The following NFIB variants were observed in gnomAD, a reference collection of about 807,000 sequenced individuals.
NFIB encodes nuclear factor 1 B-type.
NFIB carries 11 observed loss-of-function variants against 61.5 expected under a neutral mutation model. That is an observed-to-expected ratio of 0.18 (90% CI 0.11 to 0.30). The LOEUF (loss-of-function observed/expected upper bound fraction) is 0.30, where lower values mean the gene tolerates loss of function less well. Ranked by LOEUF, NFIB falls within the 10% of genes least tolerant of loss-of-function variation. The pLI is 1.00. For synonymous variants in NFIB, 260 were observed against 216.5 expected (o/e 1.20, Z -1.76); for missense variants, 471 against 608.9 (o/e 0.77, Z 2.38).
chr9:14,382,990 G>T (rs2061506102), intron 1 of NFIB, among the ~76,000 whole-genome samples: 1 of 152,158 alleles, frequency 6.6e-6, no homozygotes, highest in Admixed American at 6.5e-5. Context: ...ACAATTTGGA[G>T]AGAAGTAGCT....
chr9:14,501,079 C>T, the NFIB span, among the ~76,000 whole-genome samples: 4 of 152,200 alleles, frequency 2.6e-5, no homozygotes, highest in Non-Finnish European at 4.4e-5. Flanking sequence ...CAGTGGATCT[C>T]AAACCCACTT....
intron 2 of NFIB, among the ~76,000 whole-genome samples, chr9:14,280,364 C>T (rs1000321783): frequency 1.3e-5 from 2 of 152,134 alleles, no homozygotes; most frequent in Non-Finnish European, 1.5e-5. Context: ...CACACACACA[C>T]ATTCAAGTGT....
At chr9:14,360,913 T>G (rs2061232264) in intron 1 of NFIB, among the ~76,000 whole-genome samples, 1 of 151,818 alleles carries the variant, frequency 6.6e-6, no homozygotes, top group Admixed American at 6.6e-5. Context: ...TTTGATAATT[T>G]TTATTTGTTA....
At chr9:14,415,175 T>C in the NFIB span, among the ~76,000 whole-genome samples, 3 of 152,154 alleles carry the variant, frequency 2.0e-5, no homozygotes, top group Non-Finnish European at 2.9e-5. Context: ...TCCTTGCAGC[T>C]GAACTGAAGG....
the NFIB span, among the ~76,000 whole-genome samples, chr9:14,520,583 G>A: frequency 6.6e-6 from 1 of 152,136 alleles, no homozygotes; most frequent in African/African-American, 2.4e-5. Context: ...TAAAAGGAGG[G>A]GCTGAAATAA....
chr9:14,435,723 C>T, the NFIB span, among the ~76,000 whole-genome samples: 1 of 152,106 alleles, frequency 6.6e-6, no homozygotes, highest in African/African-American at 2.4e-5. Flanking sequence ...TGAAAACAAA[C>T]CAATAGAATT....
upstream of NFIB, among the ~76,000 whole-genome samples, chr9:14,316,328 A>G (rs2060539528): frequency 6.6e-6 from 1 of 152,190 alleles, no homozygotes; most frequent in Non-Finnish European, 1.5e-5. Context: ...CCCAGAGCCC[A>G]AAGAAGAAAG....
At chr9:14,389,551 C>A (rs1398417278) in intron 1 of NFIB, among the ~76,000 whole-genome samples, 2 of 152,136 alleles carry the variant, frequency 1.3e-5, no homozygotes, top group Admixed American at 6.5e-5. Flanking sequence ...ATTAAAGTAA[C>A]TTGGACCAGA....
intron 10 of NFIB, among the ~76,000 whole-genome samples, chr9:14,108,747 A>G (rs1395784206): frequency 6.6e-6 from 1 of 152,042 alleles, no homozygotes; most frequent in Non-Finnish European, 1.5e-5. Context: ...GATTATGAAA[A>G]TAAGACCGAT....
chr9:14,288,823 G>A (rs186571660), intron 2 of NFIB, among the ~76,000 whole-genome samples: 13 of 151,844 alleles, frequency 8.6e-5, no homozygotes, highest in Non-Finnish European at 1.6e-4. Flanking sequence ...TTTTTTCCTA[G>A]CTCCTTAAAA....
At chr9:14,522,442 T>C in the NFIB span, among the ~76,000 whole-genome samples, 2 of 152,150 alleles carry the variant, frequency 1.3e-5, no homozygotes, top group African/African-American at 4.8e-5. Flanking sequence ...AAAATAACAA[T>C]TTAGTGTTAT....
chr9:14,422,698 A>T, the NFIB span, among the ~76,000 whole-genome samples: 1 of 152,194 alleles, frequency 6.6e-6, no homozygotes, highest in Non-Finnish European at 1.5e-5. Flanking sequence ...TCTTGGACTA[A>T]TCTCTTTGGC....
chr9:14,160,860 A>C (rs981665243), intron 3 of NFIB, among the ~76,000 whole-genome samples: 1 of 150,522 alleles, frequency 6.6e-6, no homozygotes, highest in African/African-American at 2.4e-5. Context: ...AACAGAAAAA[A>C]AGAAGAAAGC....
intron 6 of NFIB, among the ~76,000 whole-genome samples, chr9:14,142,569 T>G (rs1279927109): frequency 6.6e-6 from 1 of 152,062 alleles, no homozygotes; most frequent in Non-Finnish European, 1.5e-5. Context: ...TATCAAAAGT[T>G]ACAAAAGATT....
In NFIB at chr9:14,220,654, C is replaced by T. The variant is rs2051531014; in HGVS notation, c.563-40874G>A. 6.6e-5 allele frequency among the ~76,000 whole-genome samples: 10 copies of T among 152,200 alleles called. No individual in the cohort carries two copies. In the South Asian group the frequency reaches 2.1e-3, roughly 32 times the overall value. On this transcript the variant is annotated intron_variant, in intron 2 of 10. Transcript: ENST00000380953. Reference sequence around the variant, plus strand: ...TTTATACCCACCAATCCCACACTCTCAACCTCGTAAACTTCACCTCCCCTT... The same window carrying T: ...TTTATACCCACCAATCCCACACTCTTAACCTCGTAAACTTCACCTCCCCTT...
At chr9:14,331,846 C>T (rs1248107998) in intron 1 of NFIB, among the ~76,000 whole-genome samples, 1 of 152,174 alleles carries the variant, frequency 6.6e-6, no homozygotes, top group East Asian at 1.9e-4. Flanking sequence ...AGGACTGTTT[C>T]TGAAACATAG....
chr9:14,286,227 T>C (rs983182669), intron 2 of NFIB, among the ~76,000 whole-genome samples: 1 of 152,200 alleles, frequency 6.6e-6, no homozygotes, highest in Non-Finnish European at 1.5e-5. Flanking sequence ...ACATACTCAC[T>C]ATTCCTCCAA....
intron 2 of NFIB, among the ~76,000 whole-genome samples, chr9:14,260,722 C>T (rs1440902795): frequency 1.3e-5 from 2 of 152,184 alleles, no homozygotes; most frequent in Non-Finnish European, 2.9e-5. Context: ...TGCAGGATAG[C>T]TCAGATCCTA....
In NFIB at chr9:14,231,166, A is replaced by G. The variant is rs1490163607; in HGVS notation, c.563-51386T>C. ...TATATATATATATATATATATATAT[A>G]TTCGTTGAGACATTTGTTTGTAAGT... On this transcript the variant is annotated intron_variant, in intron 2 of 10. Coordinates refer to ENST00000380953, the MANE Select transcript of NFIB (RefSeq NM_001190737.2). Among the ~76,000 whole-genome samples the G allele has an allele frequency of 4.3e-5, 6 of 140,782 alleles. No homozygotes were observed. The Admixed American group carries it at 4.3e-4, about 10-fold the overall frequency. The allele number at this position is 140,782 out of a possible 152,430, so 92.4% of individuals were successfully genotyped here.
Sources: allele counts gnomAD v4.1 joint callset (sites outside exome capture counted in the v4.1 genomes callset), GRCh38; gene constraint gnomAD v4.1.1; transcripts MANE v1.5; gene names NCBI Gene and HGNC (gene_info 2026-07-23, HGNC 2026-07-21).